The following PIP4K2A variants were observed in gnomAD, a reference collection of about 807,000 sequenced individuals.
PIP4K2A encodes phosphatidylinositol-5-phosphate 4-kinase type 2 alpha.
Under a neutral mutation model 42.9 loss-of-function variants are expected in PIP4K2A, and 14 were observed. The observed-to-expected ratio is 0.33, with a 90% CI of 0.22 to 0.51. The LOEUF (loss-of-function observed/expected upper bound fraction) is 0.51, where lower values mean the gene tolerates loss of function less well. PIP4K2A is among the 20% of genes least tolerant of loss of function. PIP4K2A has a pLI of 0.97. For synonymous variants in PIP4K2A, 192 were observed against 192.2 expected, an observed-to-expected ratio of 1.00 and a Z score of 0.01; for missense variants, 434 against 519.8, an observed-to-expected ratio of 0.83 and a Z score of 1.61.
intron 7 of PIP4K2A, among the ~76,000 whole-genome samples, chr10:22,547,358 T>A (rs544574688): frequency 1.7e-4 from 26 of 152,250 alleles, no homozygotes; most frequent in Non-Finnish European, 1.0e-4. Flanking sequence ...TTAAGGACTG[T>A]GCCCTCTGAG....
chr10:22,642,939 C>A (rs1353511035), intron 1 of PIP4K2A, among the ~76,000 whole-genome samples: 2 of 152,182 alleles, frequency 1.3e-5, no homozygotes, highest in Non-Finnish European at 2.9e-5. Flanking sequence ...TCTCTTTCCT[C>A]TAGTCTGTCT....
intron 4 of PIP4K2A, among the ~76,000 whole-genome samples, chr10:22,577,109 G>C (rs1326460616): frequency 6.8e-6 from 1 of 147,492 alleles, no homozygotes. Flanking sequence ...AGTATTCATA[G>C]ATTCACTTAA....
At chr10:22,714,155 G>T (rs748170209) in intron 1 of PIP4K2A, 28 bp downstream of exon 1, 5 of 1,588,326 alleles carry the variant, frequency 3.1e-6, no homozygotes, top group African/African-American at 1.4e-5. Flanking sequence ...AGGAGGAAGG[G>T]GACCGCGCGC....
intron 4 of PIP4K2A, among the ~76,000 whole-genome samples, chr10:22,585,634 A>G (rs1159869292): frequency 6.7e-6 from 1 of 150,270 alleles, no homozygotes; most frequent in Non-Finnish European, 1.5e-5. Context: ...TTTGAGACAG[A>G]ATCTCACCCA....
At chr10:22,569,530 C>A (rs538447693) in intron 5 of PIP4K2A, among the ~76,000 whole-genome samples, 2 of 152,152 alleles carry the variant, frequency 1.3e-5, no homozygotes, top group Non-Finnish European at 2.9e-5. Context: ...TTTTTCACAA[C>A]GAATGTTCCC....
At chr10:22,622,348 A>T (rs907800947) in intron 1 of PIP4K2A, among the ~76,000 whole-genome samples, 3 of 152,140 alleles carry the variant, frequency 2.0e-5, no homozygotes, top group Non-Finnish European at 2.9e-5. Context: ...ATCGCATGAG[A>T]GGCACAGGAC....
At chr10:22,565,065 TGAGTGACCCAGTGTCTCCTGG>T (rs1432806646) in intron 6 of PIP4K2A, among the ~76,000 whole-genome samples, 4 of 146,542 alleles carry the variant, frequency 2.7e-5, no homozygotes. Context: ...AATATCTGAG[TGAGTGACCCAGTGTCTCCTGG>T]CTCCTGTAAA....
In PIP4K2A at chr10:22,664,184, TATATATAC is replaced by T. The variant is rs1205054947; in HGVS notation, c.144+49991_144+49998del. Among the ~76,000 whole-genome samples, 85 of 79,060 alleles carry T rather than the reference TATATATAC, an allele frequency of 1.1e-3. 2 individuals are homozygous for T. The highest frequency in any genetic ancestry group is 5.4e-3 in the Middle Eastern group (1 of 184). The allele number at this position is 79,060 out of a possible 152,430, so 51.9% of individuals were successfully genotyped here. ...ATATATATACATATATATATATACA[TATATATAC>T]ATATATATATACATATATATATATA... is the stretch of plus-strand genomic sequence containing the variant. On this transcript the variant is annotated intron_variant, in intron 1 of 9. Transcript: ENST00000376573.
chr10:22,622,600 C>A (rs1314145334), intron 1 of PIP4K2A, among the ~76,000 whole-genome samples: 4 of 152,228 alleles, frequency 2.6e-5, no homozygotes, highest in African/African-American at 7.2e-5. Flanking sequence ...AATAATTCCG[C>A]CAGTGGGCGG....
intron 1 of PIP4K2A, among the ~76,000 whole-genome samples, chr10:22,613,078 C>G (rs1838093210): frequency 2.0e-5 from 3 of 152,014 alleles, no homozygotes; most frequent in Non-Finnish European, 4.4e-5. Flanking sequence ...CACAGGGCCA[C>G]CCAATGGGAG....
At chr10:22,598,873 A>G (rs1250634154) in intron 3 of PIP4K2A, among the ~76,000 whole-genome samples, 1 of 152,268 alleles carries the variant, frequency 6.6e-6, no homozygotes, top group Non-Finnish European at 1.5e-5. Flanking sequence ...AATAATCAAC[A>G]TGCACAAACT....
chr10:22,601,163 ACAAAC>A (rs1837765244), intron 3 of PIP4K2A, among the ~76,000 whole-genome samples: 5 of 53,732 alleles, frequency 9.3e-5, no homozygotes, highest in South Asian at 1.5e-3. Flanking sequence ...AAAAAAAAAA[ACAAAC>A]CAGGAACATG....
chr10:22,562,519 A>G (rs1398052012), intron 6 of PIP4K2A, among the ~76,000 whole-genome samples: 1 of 152,248 alleles, frequency 6.6e-6, no homozygotes, highest in Non-Finnish European at 1.5e-5. Flanking sequence ...ACTGCACTCC[A>G]GCCTGGGTGA....
intron 1 of PIP4K2A, among the ~76,000 whole-genome samples, chr10:22,653,007 T>C (rs1451400020): frequency 2.0e-5 from 3 of 152,070 alleles, no homozygotes; most frequent in Non-Finnish European, 4.4e-5. Flanking sequence ...TGTGGGAGGA[T>C]GGCTCGAGCC....
At chr10:22,558,229 G>A (rs940369786) in intron 6 of PIP4K2A, among the ~76,000 whole-genome samples, 3 of 152,108 alleles carry the variant, frequency 2.0e-5, no homozygotes, top group Non-Finnish European at 4.4e-5. Flanking sequence ...GTAATTCCAA[G>A]CTCACCCAAA....
chr10:22,667,865 CTGTGTGTGTGTGTGTGTGTGTG>C (rs10603287), intron 1 of PIP4K2A, among the ~76,000 whole-genome samples: 56 of 132,626 alleles, frequency 4.2e-4, no homozygotes, highest in Middle Eastern at 3.8e-3. Context: ...CAGTGAACTT[CTGTGTGTGTGTGTGTGTGTGTG>C]TGTGTGTGTG....
At chr10:22,626,143 T>C (rs925858229) in intron 1 of PIP4K2A, among the ~76,000 whole-genome samples, 3 of 152,306 alleles carry the variant, frequency 2.0e-5, no homozygotes, top group East Asian at 1.9e-4. Context: ...GCAAAAACTA[T>C]GCAAGTTCGG....
chr10:22,551,645 C>T (rs1390497297), intron 6 of PIP4K2A, among the ~76,000 whole-genome samples: 2 of 152,186 alleles, frequency 1.3e-5, no homozygotes, highest in Non-Finnish European at 2.9e-5. Context: ...AATAATCTCC[C>T]ACCCCTTTCG....
At chr10:22,583,837 G>A (rs184570836) in intron 4 of PIP4K2A, among the ~76,000 whole-genome samples, 13 of 152,322 alleles carry the variant, frequency 8.5e-5, no homozygotes, top group African/African-American at 2.6e-4. Context: ...GAGCGTGTAC[G>A]GTCTGCAGAA....
Sources: gnomAD v4.1 joint callset for allele counts (sites outside exome capture counted in the v4.1 genomes callset) on GRCh38, gnomAD v4.1.1 for gene constraint, MANE v1.5 for transcripts, NCBI Gene and HGNC (gene_info 2026-07-23, HGNC 2026-07-21) for gene names.